Variants in PFKP observed in about 807,000 individuals in gnomAD.
PFKP encodes the protein phosphofructokinase, platelet.
In PFKP, 101 loss-of-function variants were observed where a neutral mutation model predicts 94.3. The ratio of observed to expected loss-of-function variants is 1.07; its 90% CI spans 0.91 to 1.26. The LOEUF (loss-of-function observed/expected upper bound fraction) is 1.26. PFKP is among the 50% of genes most tolerant of loss of function. The probability of loss-of-function intolerance (pLI) is 0.00; values close to 1 mark genes in which losing one functional copy is unlikely to be tolerated. For synonymous variants in PFKP, 573 were observed against 432.6 expected, an observed-to-expected ratio of 1.32 and a Z score of -4.03; for missense variants, 1,145 against 1,103.3, an observed-to-expected ratio of 1.04 and a Z score of -0.53.
chr10:3,123,311 A>AC (rs1837609870), intron 16 of PFKP, among the ~76,000 whole-genome samples: 1 of 152,206 alleles, frequency 6.6e-6, no homozygotes, highest in Non-Finnish European at 1.5e-5. Flanking sequence ...GGTGGCAGTG[A>AC]CCACAGCCTC....
intron 19 of PFKP, among the ~76,000 whole-genome samples, chr10:3,133,515 C>A (rs984479111): frequency 3.9e-5 from 6 of 152,218 alleles, no homozygotes; most frequent in African/African-American, 1.4e-4. Context: ...ACTGCAACCT[C>A]CACCTTCCAG....
At chr10:3,099,121 T>C (rs1432084989) in intron 2 of PFKP, among the ~76,000 whole-genome samples, 154 bp from the exon 3 acceptor site, 1 of 152,248 alleles carries the variant, frequency 6.6e-6, no homozygotes, top group East Asian at 1.9e-4. Context: ...AATTCACTGC[T>C]TTTATCCAGT....
At chr10:3,100,866 A>ATAAAAAAAAAAAAT in intron 3 of PFKP, 2 of 579,706 alleles carry the variant, frequency 3.5e-6, no homozygotes, top group Non-Finnish European at 5.4e-6. Flanking sequence ...GTGGTGCAAA[A>ATAAAAAAAAAAAAT]AAAAAAAAAA....
Position 3,118,782 on chromosome 10 carries a change from C to T in PFKP, c.1443C>T (p.Arg481=), listed in dbSNP as rs780445325. The change falls in exon 15 of 22, where the codon CGC becomes CGT. Residue 481 remains arginine (R), a splice_region_variant and synonymous_variant. Transcript: ENST00000381125. ...GQGGSILGTK[R]VLPGKYLEEI... The stretch of plus-strand genomic sequence containing the variant: ...TCGTTCTCCACGTGGCTATTTTCAG[C>T]GTTCTCCCGGGGAAGTACTTGGAAG... 6 of 1,611,428 alleles carry T rather than the reference C, an allele frequency of 3.7e-6. No homozygotes were observed. Among genetic ancestry groups the T allele is most frequent in the East Asian group, 4.5e-5 (2 of 44,780 alleles).
intron 16 of PFKP, chr10:3,129,109 GC>G (rs1838272571): frequency 6.6e-6 from 1 of 152,294 alleles, no homozygotes; most frequent in Non-Finnish European, 1.5e-5. Context: ...GGGCGTTGCA[GC>G]CGGACTGATG....
At chr10:3,134,306 G>C (rs1421270393) in intron 19 of PFKP, among the ~76,000 whole-genome samples, 177 bp from the exon 20 acceptor site, 1 of 152,208 alleles carries the variant, frequency 6.6e-6, no homozygotes, top group East Asian at 1.9e-4. Flanking sequence ...GGGAACACTT[G>C]ATACTTTTTC....
intron 15 of PFKP, 109 bp from the exon 16 acceptor site, chr10:3,119,783 G>C: frequency 1.3e-6 from 1 of 762,712 alleles, no homozygotes; most frequent in Non-Finnish European, 2.0e-6. Context: ...TGATGCCCCA[G>C]TGTGCTCCCT....
intron 2 of PFKP, among the ~76,000 whole-genome samples, chr10:3,089,340 C>T (rs902367562): frequency 5.9e-5 from 9 of 152,144 alleles, no homozygotes; most frequent in Non-Finnish European, 1.0e-4. Context: ...GCGTGCACCA[C>T]GTTTTCTTTG....
intron 1 of PFKP, among the ~76,000 whole-genome samples, chr10:3,080,820 G>T (rs952833834): frequency 1.3e-5 from 2 of 152,188 alleles, no homozygotes; most frequent in African/African-American, 4.8e-5. Context: ...CAGGGAGTCG[G>T]GGGTAATGTT....
chr10:3,133,351 T>C (rs368103850), intron 19 of PFKP, 37 bp downstream of exon 19: 7 of 1,239,952 alleles, frequency 5.6e-6, no homozygotes, highest in Non-Finnish European at 8.3e-6. Context: ...ACAAAGCCCC[T>C]GTCATGTGAC....
chr10:3,115,452 T>C (rs1234473291), intron 13 of PFKP, among the ~76,000 whole-genome samples: 1 of 72,932 alleles, frequency 1.4e-5, no homozygotes. Flanking sequence ...GATGCCGGGG[T>C]GAAGGTGTGT....
At chr10:3,119,050 G>GC (rs1353000013) in intron 15 of PFKP, among the ~76,000 whole-genome samples, 181 bp downstream of exon 15, 1 of 151,946 alleles carries the variant, frequency 6.6e-6, no homozygotes, top group Admixed American at 6.6e-5. Flanking sequence ...CCTACGAGTG[G>GC]CCCAGTTCCA....
At chr10:3,081,804 A>T (rs561017443) in intron 1 of PFKP, among the ~76,000 whole-genome samples, 1 of 152,232 alleles carries the variant, frequency 6.6e-6, no homozygotes, top group Admixed American at 6.5e-5. Context: ...AAACAGACCT[A>T]CATGATGATA....
Position 3,080,861 on chromosome 10 carries a change from C to A in PFKP, c.113-1527C>A, listed in dbSNP as rs1467445900. Among the ~76,000 whole-genome samples, 12 of 152,162 alleles carry A rather than the reference C, an allele frequency of 7.9e-5. No individual in the cohort carries two copies. In the East Asian group the frequency reaches 2.3e-3, roughly 29 times the overall value. ...CAGGTGTTGGTTGTATGGGCAGGAG[C>A]CAGCAAGGGTGTTAGCAGCATTCAG... On this transcript the variant is annotated intron_variant, in intron 1 of 21. Transcript: ENST00000381125.
chr10:3,082,319 G>T, intron 1 of PFKP, 69 bp from the exon 2 acceptor site: 2 of 1,172,448 alleles, frequency 1.7e-6, no homozygotes, highest in Non-Finnish European at 2.5e-6. Context: ...CCATGGTCAT[G>T]GGTAGTTAGT....
intron 5 of PFKP, 157 bp from the exon 6 acceptor site, chr10:3,104,958 C>A: frequency 1.4e-6 from 1 of 711,242 alleles, no homozygotes; most frequent in Non-Finnish European, 2.5e-6. Flanking sequence ...GAAAATGGAC[C>A]ATTTTTGAAG....
At chr10:3,129,487 G>A in intron 16 of PFKP, 1 of 292,238 alleles carries the variant, frequency 3.4e-6, no homozygotes, top group Non-Finnish European at 6.5e-6. Context: ...GACAGTCACA[G>A]AGCAGCGTGG....
At chr10:3,088,958 G>GT (rs1040740418) in intron 2 of PFKP, among the ~76,000 whole-genome samples, 2 of 152,018 alleles carry the variant, frequency 1.3e-5, no homozygotes, top group South Asian at 2.1e-4. Context: ...TCCATACAGA[G>GT]TTTTGCTCTG....
rs535785846 is a variant in PFKP, at chr10:3,134,549, A to G, written c.2089A>G (p.Ile697Val). 2.0e-5 allele frequency: 32 copies of G among 1,613,978 alleles called. No individual in the cohort carries two copies. In the African/African-American group the frequency reaches 4.0e-4, roughly 20 times the overall value. The change falls in exon 20 of 22, where the codon ATC becomes GTC. Residue 697 changes from isoleucine to valine, a missense_variant. Physicochemically the swap from Ile to Val is conservative, Grantham distance 29. This residue lies in a region of PFKP where 1,119 missense variants were observed against 1,062.8 expected (regional missense o/e 1.05). Coordinates refer to ENST00000381125, the MANE Select transcript of PFKP (RefSeq NM_002627.5). ...AATCTCTGCCAGAGCTATGGAGTGGATCACTGCAAAACTCAAGGAGGCCCG... is the reference window on the plus strand; with the variant it reads ...AATCTCTGCCAGAGCTATGGAGTGGGTCACTGCAAAACTCAAGGAGGCCCG... ...TKISARAMEW[I>V]TAKLKEARGR...
Sources: gnomAD v4.1 joint callset for allele counts (sites outside exome capture counted in the v4.1 genomes callset) on GRCh38, gnomAD v4.1.1 for gene constraint, gnomAD v4.1.1 regional missense constraint, MANE v1.5 for transcripts, NCBI Gene and HGNC (gene_info 2026-07-23, HGNC 2026-07-21) for gene names.